DNAH17: variants seen among roughly 807,000 people sequenced by gnomAD.
DNAH17 encodes the protein axonemal beta dynein heavy chain 17.
A neutral mutation model predicts 485.6 loss-of-function variants in DNAH17; 376 were observed. The observed-to-expected ratio is 0.77, with a 90% confidence interval of 0.71 to 0.84. DNAH17 has a LOEUF of 0.84. DNAH17 is among the 40% of genes least tolerant of loss of function. DNAH17 has a pLI of 0.00. For missense variants in DNAH17, 6,370 were observed against 5,839.3 expected, an observed-to-expected ratio of 1.09 and a Z score of -2.96; for synonymous variants, 3,031 against 2,405.9, an observed-to-expected ratio of 1.26 and a Z score of -7.60.
At chr17:78,447,775 G>T (rs1016684309) in intron 69 of DNAH17, among the ~76,000 whole-genome samples, 3 of 152,212 alleles carry the variant, frequency 2.0e-5, no homozygotes, top group Non-Finnish European at 2.9e-5. Context: ...CAAAGTTTGA[G>T]TTTGAATTGA....
intron 37 of DNAH17, chr17:78,496,847 A>AT (rs760672939): frequency 6.7e-6 from 1 of 148,844 alleles, no homozygotes; most frequent in Non-Finnish European, 1.5e-5. Flanking sequence ...AATTTTTTGT[A>AT]TTTTTTAGTA....
chr17:78,575,383 AAG>A (rs1189259272), intron 1 of DNAH17, among the ~76,000 whole-genome samples: 1 of 152,228 alleles, frequency 6.6e-6, no homozygotes, highest in South Asian at 2.1e-4. Context: ...ATGCTGGAGA[AAG>A]AGAGAAAAGG....
chr17:78,426,759 G>A (rs546741350), intron 78 of DNAH17, 159 bp from the exon 79 acceptor site: 40 of 1,278,948 alleles, frequency 3.1e-5, no homozygotes, highest in Middle Eastern at 2.7e-4. Context: ...GCTAAGGAAC[G>A]GTCTAGATGA....
chr17:78,565,635 A>G (rs2092251460), intron 11 of DNAH17, among the ~76,000 whole-genome samples: 1 of 152,208 alleles, frequency 6.6e-6, no homozygotes, highest in South Asian at 2.1e-4. Flanking sequence ...GGCCTGGGAA[A>G]CATAGCAAAA....
chr17:78,449,420 C>T lies in DNAH17; in HGVS notation c.11205G>A (p.Thr3735=), dbSNP rs2305040. The part of the protein sequence containing the change: ...RDKLIFLAQV[T]FQVLSMKKEL... The stretch of plus-strand genomic sequence containing the variant: ...CAGTGAGGCTAGACATTACCTGAAA[C>T]GTAACTTGTGCCAGGAAAATGAGTT... Residue 3735 remains threonine (T), a synonymous_variant, in exon 69 of 81, where the codon ACG becomes ACA. Coordinates refer to ENST00000389840, the MANE Select transcript of DNAH17 (RefSeq NM_173628.4). The T allele has an allele frequency of 1.1e-4, 163 of 1,549,610 alleles. No individual in the cohort carries two copies. The East Asian group carries it at 2.8e-3, about 27-fold the overall frequency.
At chr17:78,434,375 G>T (rs918638820) in intron 74 of DNAH17, among the ~76,000 whole-genome samples, 155 bp from the exon 75 acceptor site, 3 of 152,174 alleles carry the variant, frequency 2.0e-5, no homozygotes, top group Admixed American at 2.0e-4. Context: ...GTCTCTATCA[G>T]ACCCGCTGCA....
intron 11 of DNAH17, among the ~76,000 whole-genome samples, chr17:78,565,403 A>T (rs1332756110): frequency 6.6e-6 from 1 of 152,242 alleles, no homozygotes; most frequent in East Asian, 1.9e-4. Flanking sequence ...ACTCTCATGT[A>T]TTTGCATTTT....
intron 6 of DNAH17, 48 bp from the exon 7 acceptor site, chr17:78,570,420 C>T (rs763999745): frequency 2.2e-5 from 35 of 1,579,244 alleles, no homozygotes; most frequent in Admixed American, 1.6e-4. Flanking sequence ...GGCCGCTGCA[C>T]CTTATCCCGG....
intron 44 of DNAH17, 88 bp from the exon 45 acceptor site, chr17:78,486,594 A>G (rs925610705): frequency 4.1e-6 from 6 of 1,449,942 alleles, no homozygotes; most frequent in Non-Finnish European, 4.6e-6. Flanking sequence ...CCCTACCTCC[A>G]CCCAATTCTG....
At position 78,486,017 on chromosome 17, in the gene DNAH17, G is replaced by A. The variant is rs1433255144; in HGVS notation, c.7218C>T (p.Phe2406=). Reference sequence around the variant, plus strand: ...AGGGCACTTTATCTGTCCAGGGCAGGAACTTTTTTGTGTCAGGATCAATGT... The same window carrying A: ...AGGGCACTTTATCTGTCCAGGGCAGAAACTTTTTTGTGTCAGGATCAATGT... ...DYYIDPDTKK[F]LPWTDKVPSF... Residue 2406 remains phenylalanine (F), a synonymous_variant, in exon 46 of 81, where the codon TTC becomes TTT. Transcript: ENST00000389840. 1 of 1,613,930 alleles carries A rather than the reference G, an allele frequency of 6.2e-7. No individual in the cohort carries two copies. Among genetic ancestry groups the A allele is most frequent in the South Asian group, 1.1e-5 (1 of 91,078 alleles).
Position 78,525,066 on chromosome 17 carries a change from G to A in DNAH17, c.3807C>T (p.Leu1269=), listed in dbSNP as rs1311504490. Residue 1269 remains leucine, a synonymous_variant, in exon 25 of 81, where the codon CTC becomes CTT. Coordinates refer to ENST00000389840, the MANE Select transcript of DNAH17 (RefSeq NM_173628.4). ...FEVPVPDYKQ[L]KACHREVRLL... is the part of the protein sequence containing the mutation. ...GGCGGACCTCCCGGTGGCAGGCCTT[G>A]AGCTGCTTGTAGTCTGGGACGGGGA... 1 of 1,613,696 alleles carries A rather than the reference G, an allele frequency of 6.2e-7. No individual in the cohort carries two copies. Among genetic ancestry groups the A allele is most frequent in the African/African-American group, 1.3e-5 (1 of 74,940 alleles).
chr17:78,530,562 G>A, intron 20 of DNAH17, 50 bp from the exon 21 acceptor site: 3 of 1,563,028 alleles, frequency 1.9e-6, no homozygotes. Flanking sequence ...AGCCTAGGGG[G>A]GGCGTCAGCA....
rs547078749 is a variant in DNAH17, at chr17:78,528,231, G to A, written c.3508-1235C>T. On this transcript the variant is annotated intron_variant, in intron 22 of 80. Transcript: ENST00000389840. Reference sequence around the variant, plus strand: ...TCGTGTGTGGCTTGGAGCACCTCAGGGTGGGACGGCTGAGAACCTGCTCAG... The same window carrying A: ...TCGTGTGTGGCTTGGAGCACCTCAGAGTGGGACGGCTGAGAACCTGCTCAG... 6.6e-5 allele frequency among the ~76,000 whole-genome samples: 10 copies of A among 152,200 alleles called. No individual in the cohort carries two copies. The South Asian group carries it at 8.3e-4, about 13-fold the overall frequency.
intron 25 of DNAH17, among the ~76,000 whole-genome samples, chr17:78,520,675 C>G (rs952482334): frequency 6.6e-6 from 1 of 152,168 alleles, no homozygotes; most frequent in South Asian, 2.1e-4. Context: ...TGTAACAAAA[C>G]ATGTATAGGA....
At chr17:78,471,094 A>C (rs1186590037) in intron 54 of DNAH17, among the ~76,000 whole-genome samples, 3 of 152,220 alleles carry the variant, frequency 2.0e-5, no homozygotes, top group African/African-American at 4.8e-5. Context: ...TAATTTAAAA[A>C]ACAAGACCTA....
At chr17:78,514,732 C>T in intron 26 of DNAH17, 42 bp downstream of exon 26, 1 of 1,596,404 alleles carries the variant, frequency 6.3e-7, no homozygotes, top group Non-Finnish European at 8.5e-7. Flanking sequence ...GCAGAGCTGG[C>T]CGCCAGGGGC....
chr17:78,483,712 C>A (rs1037828560), intron 48 of DNAH17, among the ~76,000 whole-genome samples: 1 of 152,172 alleles, frequency 6.6e-6, no homozygotes, highest in Non-Finnish European at 1.5e-5. Context: ...ACCTAACCCC[C>A]CATGCCTGCC....
At chr17:78,553,303 T>TTG (rs1568244957) in intron 14 of DNAH17, among the ~76,000 whole-genome samples, 1 of 75,482 alleles carries the variant, frequency 1.3e-5, no homozygotes, top group African/African-American at 5.5e-5. Flanking sequence ...TTTTTTTTTT[T>TTG]TTTTTTTTTT....
At chr17:78,501,698 T>C in intron 34 of DNAH17, 44 bp downstream of exon 34, 3 of 1,599,950 alleles carry the variant, frequency 1.9e-6, no homozygotes, top group African/African-American at 1.3e-5. Context: ...GAACCCGGTG[T>C]CCCCTTGCCC....
Sources: allele counts gnomAD v4.1 joint callset (sites outside exome capture counted in the v4.1 genomes callset), GRCh38; gene constraint gnomAD v4.1.1; transcripts MANE v1.5; gene names NCBI Gene and HGNC (gene_info 2026-07-23, HGNC 2026-07-21).